The following TLE7 variants were observed in gnomAD, a reference collection of about 807,000 sequenced individuals.
TLE7 encodes transducin-like enhancer protein 7.
rs1210395208 is a variant in TLE7, at chr16:71,432,340, G to A, written c.394-15C>T. The A allele has an allele frequency of 5.0e-6, 2 of 400,282 alleles. No homozygotes were observed. Among genetic ancestry groups the A allele is most frequent in the Non-Finnish European group, 8.8e-6 (2 of 226,268 alleles). The allele number at this position is 400,282 out of a possible 1,614,324, so 24.8% of individuals were successfully genotyped here. A position where few individuals can be genotyped will look rare whatever the true frequency, so the allele number is the denominator to read the frequency against. On this transcript the variant is annotated splice_polypyrimidine_tract_variant and intron_variant, in intron 4 of 9. Transcript: ENST00000561754. ...GGAATGGGGGGCTAGGCAAGGAGAG[G>A]GTGGGTAGCAGTGGCCCTGACCTGC... is the stretch of plus-strand genomic sequence containing the variant.
chr16:71,438,558 G>A (rs2042835434), intron 1 of TLE7, among the ~76,000 whole-genome samples: 2 of 150,856 alleles, frequency 1.3e-5, no homozygotes, highest in Admixed American at 6.6e-5. Context: ...GTGGGCGGCT[G>A]TAATCCCAGC....
intron 1 of TLE7, among the ~76,000 whole-genome samples, chr16:71,435,419 T>TA (rs536802298): frequency 2.0e-5 from 3 of 151,722 alleles, no homozygotes; most frequent in African/African-American, 4.9e-5. Context: ...TCAAAATAAA[T>TA]AAATAAAATA....
chr16:71,439,417 G>T (rs974173488), intron 1 of TLE7, among the ~76,000 whole-genome samples: 1 of 152,100 alleles, frequency 6.6e-6, no homozygotes, highest in African/African-American at 2.4e-5. Context: ...GAGCACAGAG[G>T]GTGTGTGTTT....
At chr16:71,432,547 G>A in intron 4 of TLE7, 118 bp downstream of exon 4, 2 of 398,096 alleles carry the variant, frequency 5.0e-6, no homozygotes, top group Non-Finnish European at 8.8e-6. Flanking sequence ...CTCAAAAGGA[G>A]CAGGAGCCCA....
At chr16:71,434,171 G>A (rs11645711) in intron 1 of TLE7, among the ~76,000 whole-genome samples, 34,565 of 151,990 alleles carry the variant, frequency 0.23, 5,116 homozygotes, top group South Asian at 0.51. Context: ...GCTTGGAGGT[G>A]ATTACTATTT....
chr16:71,431,068 G>A lies in TLE7; in HGVS notation c.1147+53C>T, dbSNP rs999432036. The A allele has an allele frequency of 7.5e-6, 3 of 400,568 alleles. No individual in the cohort carries two copies. Among genetic ancestry groups the A allele is most frequent in the East Asian group, 3.6e-5 (1 of 28,066 alleles). 24.8% of individuals were successfully genotyped at this position (400,568 alleles called of 1,614,324 possible). A position where few individuals can be genotyped will look rare whatever the true frequency, so the allele number is the denominator to read the frequency against. On this transcript the variant is annotated intron_variant, in intron 8 of 9. Transcript: ENST00000561754. The surrounding 1 kb of genome is among the most constrained non-coding windows in gnomAD (Gnocchi z 4.5). ...GGGGGTGAACAGAGAAAGAAGAGAC[G>A]ACAGCAAGTTCAAAATCGGACACCC...
At chr16:71,434,801 A>G (rs2042820042) in intron 1 of TLE7, among the ~76,000 whole-genome samples, 1 of 152,110 alleles carries the variant, frequency 6.6e-6, no homozygotes. Flanking sequence ...CTACCTCCCT[A>G]TTAGAAGGAA....
intron 1 of TLE7, among the ~76,000 whole-genome samples, chr16:71,437,426 AACAAAG>A (rs1354131287): frequency 1.1e-4 from 17 of 150,594 alleles, no homozygotes; most frequent in African/African-American, 4.2e-4. Flanking sequence ...GGAAGGAAGA[AACAAAG>A]AGGAAGGAAG....
At chr16:71,440,317 T>C (rs1228745185) in intron 1 of TLE7, among the ~76,000 whole-genome samples, 1 of 152,100 alleles carries the variant, frequency 6.6e-6, no homozygotes, top group African/African-American at 2.4e-5. Context: ...TGCCACGGAA[T>C]TGTACACTTT....
intron 9 of TLE7, 61 bp downstream of exon 9, chr16:71,430,607 C>T (rs1426151260): frequency 2.5e-6 from 1 of 398,166 alleles, no homozygotes; most frequent in Non-Finnish European, 4.4e-6. Flanking sequence ...ATCCAACCAA[C>T]TGGGACCTGG....
rs375040130 is a variant in TLE7 at position 71,431,101 on chromosome 16, T to A, written c.1147+20A>T. 2.5e-6 allele frequency: 1 copy of A among 400,588 alleles called. No homozygotes were observed. Among genetic ancestry groups the A allele is most frequent in the Admixed American group, 4.4e-5 (1 of 22,710 alleles). The allele number at this position is 400,588 out of a possible 1,614,324, so 24.8% of individuals were successfully genotyped here. The stretch of plus-strand genomic sequence containing the variant: ...GTTCAAAATCGGACACCCAGAGGTG[T>A]CACCTGGCTTCTCACTCACCACAGG... On this transcript the variant is annotated intron_variant, in intron 8 of 9. Coordinates refer to ENST00000561754, the MANE Select transcript of TLE7 (RefSeq NM_001367365.2). This position sits in a 1 kb window ranked among gnomAD's most constrained non-coding sequence, Gnocchi z 4.5.
chr16:71,431,569 G>C lies in TLE7; in HGVS notation c.852-7C>G. 1 of 400,754 alleles carries C rather than the reference G, an allele frequency of 2.5e-6. No homozygotes were observed. 24.8% of individuals were successfully genotyped at this position (400,754 alleles called of 1,614,324 possible). A position where few individuals can be genotyped will look rare whatever the true frequency, so the allele number is the denominator to read the frequency against. On this transcript the variant is annotated splice_region_variant and splice_polypyrimidine_tract_variant and intron_variant, in intron 6 of 9. Transcript: ENST00000561754. The surrounding 1 kb of genome is among the most constrained non-coding windows in gnomAD (Gnocchi z 4.5). The stretch of plus-strand genomic sequence containing the variant: ...TACAGGAACTTCGTGCTTCCTGGTG[G>C]GTGGGAAAACAACTCAGAGGGTCAC...
intron 1 of TLE7, among the ~76,000 whole-genome samples, 196 bp downstream of exon 1, chr16:71,441,773 G>T (rs915621516): frequency 2.4e-4 from 36 of 152,212 alleles, no homozygotes; most frequent in Non-Finnish European, 2.8e-4. Flanking sequence ...GGTCAGAAGC[G>T]CTGGCCCACG....
chr16:71,432,295 G>A lies in TLE7; in HGVS notation c.424C>T (p.Gln142Ter). The change falls in exon 5 of 10, where the codon CAG (glutamine) becomes TAG (stop). Residue 142 changes from glutamine to a stop codon, truncating the protein, a stop_gained. Coordinates refer to ENST00000561754, the MANE Select transcript of TLE7 (RefSeq NM_001367365.2). LOFTEE classifies it high-confidence loss of function. The part of the protein sequence containing the change: ...PPIPDEVVVR[Q>*]KRAPQGSWKV... ...CAGGAGCCCTGTGGGGCCCTCTTCT[G>A]CCTGACCACAACTTCATCTGGAATG... 2.5e-6 allele frequency: 1 copy of A among 400,790 alleles called. No homozygotes were observed. The highest frequency in any genetic ancestry group is 3.6e-5 in the East Asian group (1 of 28,036). The allele number at this position is 400,790 out of a possible 1,614,324, so 24.8% of individuals were successfully genotyped here. A position where few individuals can be genotyped will look rare whatever the true frequency, so the allele number is the denominator to read the frequency against.
chr16:71,441,685 C>T (rs1289785555), intron 1 of TLE7, among the ~76,000 whole-genome samples: 1 of 152,228 alleles, frequency 6.6e-6, no homozygotes, highest in African/African-American at 2.4e-5. Flanking sequence ...CTCCGCCCAC[C>T]GCGCAGGGCG....
chr16:71,430,522 T>A (rs2042797500), intron 9 of TLE7, 146 bp downstream of exon 9: 2 of 397,682 alleles, frequency 5.0e-6, no homozygotes, highest in Non-Finnish European at 8.8e-6. Context: ...TCATAGGATG[T>A]GAAGTCTTCA....
At chr16:71,437,710 G>T (rs1263282137) in intron 1 of TLE7, among the ~76,000 whole-genome samples, 1 of 152,142 alleles carries the variant, frequency 6.6e-6, no homozygotes, top group Admixed American at 6.5e-5. Flanking sequence ...TCCATTCCCT[G>T]ATCACCCCCT....
chr16:71,433,084 C>G lies in TLE7; in HGVS notation c.241G>C (p.Gly81Arg). 1.8e-5 allele frequency: 7 copies of G among 398,744 alleles called. No individual in the cohort carries two copies. The highest frequency in any genetic ancestry group is 3.1e-5 in the Non-Finnish European group (7 of 226,244). 24.7% of individuals were successfully genotyped at this position (398,744 alleles called of 1,614,324 possible). The change falls in exon 2 of 10, where the codon GGT becomes CGT. Residue 81 changes from glycine (G) to arginine (R), a missense_variant. Physicochemically the swap from Gly to Arg is moderately radical, Grantham distance 125. Coordinates refer to ENST00000561754, the MANE Select transcript of TLE7 (RefSeq NM_001367365.2). ...CCAGCGGCCTGGAGCTCAGATCTAC[C>G]CAGGCCCTGGAGGTGCCACTGCTGC... ...TQQQWHLQGL[G>R]RSELQAAGLP...
intron 1 of TLE7, among the ~76,000 whole-genome samples, chr16:71,435,391 GC>G (rs2042822296): frequency 6.6e-6 from 1 of 152,054 alleles, no homozygotes; most frequent in Non-Finnish European, 1.5e-5. Context: ...AGCCTGGGTG[GC>G]AGAGTGAAAC....
Sources: gnomAD v4.1 joint callset for allele counts (sites outside exome capture counted in the v4.1 genomes callset) on GRCh38, gnomAD v4.1.1 for gene constraint, Gnocchi (gnomAD v3.1) non-coding constraint, MANE v1.5 for transcripts, NCBI Gene and HGNC (gene_info 2026-07-23, HGNC 2026-07-21) for gene names.